NCAM2: variants seen among roughly 807,000 people sequenced by gnomAD.
NCAM2 encodes N-CAM-2.
NCAM2 carries 30 observed loss-of-function variants against 98.1 expected under a neutral mutation model. That is an observed-to-expected ratio of 0.31 (90% CI 0.23 to 0.41). NCAM2 has a LOEUF of 0.41. Among genes scored for constraint, NCAM2 ranks in the 10% least tolerant of loss-of-function variants. The probability of loss-of-function intolerance (pLI) is 1.00; values close to 1 mark genes in which losing one functional copy is unlikely to be tolerated. For synonymous variants in NCAM2, 368 were observed against 342.4 expected (o/e 1.07, Z -0.83); for missense variants, 867 against 1,005.8 (o/e 0.86, Z 1.87).
At chr21:21,479,664 G>C (rs903675850) in intron 15 of NCAM2, among the ~76,000 whole-genome samples, 2 of 147,162 alleles carry the variant, frequency 1.4e-5, no homozygotes, top group Non-Finnish European at 3.0e-5. Context: ...AAAATTAAAA[G>C]GTAATAAAAG....
At chr21:21,428,638 G>A (rs2077265281) in intron 11 of NCAM2, among the ~76,000 whole-genome samples, 1 of 152,182 alleles carries the variant, frequency 6.6e-6, no homozygotes, top group African/African-American at 2.4e-5. Flanking sequence ...AAATGGGAAG[G>A]AAGAAATAGA....
At chr21:21,370,961 A>T (rs971586431) in intron 8 of NCAM2, among the ~76,000 whole-genome samples, 6 of 151,876 alleles carry the variant, frequency 4.0e-5, no homozygotes, top group Non-Finnish European at 5.9e-5. Flanking sequence ...GAAAAGAGAA[A>T]GACAGGAGGA....
rs755803130 is a variant in NCAM2, at chr21:21,432,200, G to A, written c.1573G>A (p.Val525Ile). Residue 525 changes from valine (V) to isoleucine (I), a missense_variant, in exon 12 of 18, where the codon GTA (valine) becomes ATA (isoleucine). By Grantham distance (29) the Val-to-Ile change is conservative. Around this residue, in one of 5 missense-constraint regions of NCAM2, gnomAD observed 234 missense variants for 333.8 expected, o/e 0.70. Coordinates refer to ENST00000400546, the MANE Select transcript of NCAM2 (RefSeq NM_004540.5). ...CAACAAACCGGACTCCCATGGAGGT[G>A]TACCTATTCATCACTATCAGGTGGA... ...SFNKPDSHGG[V>I]PIHHYQVDVK... 6.2e-6 allele frequency: 10 copies of A among 1,613,914 alleles called. No homozygotes were observed. Among genetic ancestry groups the A allele is most frequent in the Admixed American group, 1.7e-5 (1 of 59,994 alleles).
At chr21:21,356,884 G>C (rs930553775) in intron 8 of NCAM2, among the ~76,000 whole-genome samples, 1 of 152,030 alleles carries the variant, frequency 6.6e-6, no homozygotes, top group Admixed American at 6.6e-5. Context: ...CAGCTACTCC[G>C]AAGGCTGAGG....
chr21:21,514,468 A>G (rs1485711718), intron 16 of NCAM2, among the ~76,000 whole-genome samples: 4 of 50,746 alleles, frequency 7.9e-5, no homozygotes, highest in African/African-American at 2.8e-4. Flanking sequence ...TTTGTCTCAA[A>G]AAACAAAAAA....
At chr21:21,219,450 C>T (rs1468264369) in intron 1 of NCAM2, among the ~76,000 whole-genome samples, 1 of 152,164 alleles carries the variant, frequency 6.6e-6, no homozygotes, top group Non-Finnish European at 1.5e-5. Context: ...TCTCATAAGA[C>T]TATAATGGAA....
intron 5 of NCAM2, among the ~76,000 whole-genome samples, chr21:21,307,767 C>A (rs1368287468): frequency 6.6e-6 from 1 of 152,080 alleles, no homozygotes; most frequent in African/African-American, 2.4e-5. Context: ...AAATCCAACC[C>A]ATACTTGGAA....
intron 10 of NCAM2, among the ~76,000 whole-genome samples, chr21:21,410,761 C>A (rs2145915078): frequency 6.6e-6 from 1 of 151,306 alleles, no homozygotes; most frequent in African/African-American, 2.4e-5. Flanking sequence ...GTAATCCCAG[C>A]ACTTTGGGAG....
At chr21:21,276,148 A>G (rs915840267) in intron 1 of NCAM2, among the ~76,000 whole-genome samples, 2 of 151,998 alleles carry the variant, frequency 1.3e-5, no homozygotes, top group Non-Finnish European at 2.9e-5. Flanking sequence ...TTGATCATAA[A>G]TTTTATAATG....
chr21:21,145,069 T>G (rs2826706), intron 1 of NCAM2, among the ~76,000 whole-genome samples: 36,558 of 151,630 alleles, frequency 0.24, 5,063 homozygotes, highest in East Asian at 0.45. Flanking sequence ...GAGATTCAAG[T>G]TGATATCCAC....
intron 1 of NCAM2, among the ~76,000 whole-genome samples, chr21:21,133,283 A>G (rs2066973289): frequency 1.3e-5 from 2 of 152,190 alleles, no homozygotes; most frequent in South Asian, 4.1e-4. Context: ...GTCTCTCTAC[A>G]CATACCTCAC....
At chr21:21,300,774 A>AATT (rs1222899776) in intron 5 of NCAM2, among the ~76,000 whole-genome samples, 1 of 51,410 alleles carries the variant, frequency 1.9e-5, no homozygotes, top group Non-Finnish European at 3.9e-5. Flanking sequence ...TTTATTTCAT[A>AATT]ATTATTACTT....
At chr21:21,303,473 A>G (rs2073786876) in intron 5 of NCAM2, among the ~76,000 whole-genome samples, 1 of 151,928 alleles carries the variant, frequency 6.6e-6, no homozygotes, top group African/African-American at 2.4e-5. Flanking sequence ...TTTTATTGCT[A>G]TTAGTATTCA....
At chr21:21,154,071 A>G (rs1291003600) in intron 1 of NCAM2, among the ~76,000 whole-genome samples, 2 of 151,892 alleles carry the variant, frequency 1.3e-5, no homozygotes, top group East Asian at 1.9e-4. Context: ...AAATTTGGAG[A>G]TGCCTGCTGC....
intron 1 of NCAM2, among the ~76,000 whole-genome samples, chr21:21,114,042 T>C (rs1332971489): frequency 2.6e-5 from 4 of 152,184 alleles, no homozygotes; most frequent in Non-Finnish European, 5.9e-5. Flanking sequence ...TAGCCATCAT[T>C]TCTCTCTCCC....
At chr21:21,290,477 C>A (rs2073251059) in intron 4 of NCAM2, among the ~76,000 whole-genome samples, 1 of 151,740 alleles carries the variant, frequency 6.6e-6, no homozygotes, top group Non-Finnish European at 1.5e-5. Context: ...TTCTTTCTCC[C>A]CAGTCTTTCT....
intron 8 of NCAM2, among the ~76,000 whole-genome samples, chr21:21,352,333 G>T (rs2075364937): frequency 6.6e-6 from 1 of 151,978 alleles, no homozygotes; most frequent in Non-Finnish European, 1.5e-5. Flanking sequence ...TGTTGTTCAG[G>T]ATGGTCATGA....
chr21:21,422,741 A>G (rs1401059634), intron 11 of NCAM2, among the ~76,000 whole-genome samples: 2 of 152,192 alleles, frequency 1.3e-5, no homozygotes, highest in African/African-American at 4.8e-5. Context: ...ATACGTATAT[A>G]TTTTAAGACT....
intron 1 of NCAM2, among the ~76,000 whole-genome samples, chr21:21,049,328 A>G (rs1202919800): frequency 6.6e-6 from 1 of 152,176 alleles, no homozygotes; most frequent in Non-Finnish European, 1.5e-5. Context: ...CAATTAAACT[A>G]TACTGATTAA....
Sources: allele counts gnomAD v4.1 joint callset (sites outside exome capture counted in the v4.1 genomes callset), GRCh38; gene constraint gnomAD v4.1.1; regional missense constraint gnomAD v4.1.1; transcripts MANE v1.5; gene names NCBI Gene and HGNC (gene_info 2026-07-23, HGNC 2026-07-21).